GPC6: variants seen among roughly 807,000 people sequenced by gnomAD.
GPC6 encodes the protein glypican-6.
A neutral mutation model predicts 55.2 loss-of-function variants in GPC6; 14 were observed. The observed-to-expected ratio is 0.25, with a 90% CI of 0.17 to 0.40. GPC6 has a LOEUF of 0.40. Ranked by LOEUF, GPC6 falls within the 10% of genes least tolerant of loss-of-function variation. GPC6 has a pLI of 1.00. For missense variants in GPC6, 641 were observed against 708.5 expected (o/e 0.90, Z 1.08); for synonymous variants, 278 against 259.6 (o/e 1.07, Z -0.68).
chr13:94,264,076 G>C (rs1192157551), intron 4 of GPC6, among the ~76,000 whole-genome samples: 1 of 152,168 alleles, frequency 6.6e-6, no homozygotes, highest in Non-Finnish European at 1.5e-5. Flanking sequence ...AGACTGGGTA[G>C]AGACCTAAAG....
intron 1 of GPC6, among the ~76,000 whole-genome samples, chr13:93,452,465 T>A (rs1341227133): frequency 2.0e-5 from 3 of 152,224 alleles, no homozygotes; most frequent in Non-Finnish European, 4.4e-5. Context: ...AAATATGATA[T>A]CTTTTGCTTC....
chr13:94,043,878 A>C (rs965827545), intron 4 of GPC6, among the ~76,000 whole-genome samples: 1 of 151,754 alleles, frequency 6.6e-6, no homozygotes, highest in African/African-American at 2.4e-5. Context: ...TAGGTTAGTT[A>C]TGTTCTTAGT....
intron 2 of GPC6, among the ~76,000 whole-genome samples, chr13:93,764,987 G>A (rs1885068913): frequency 6.6e-6 from 1 of 151,936 alleles, no homozygotes; most frequent in South Asian, 2.1e-4. Context: ...TTTTAGTAGA[G>A]ACAGGGTTTC....
intron 5 of GPC6, among the ~76,000 whole-genome samples, chr13:94,301,613 G>A (rs138875083): frequency 0.016 from 2,446 of 152,216 alleles, 30 homozygotes; most frequent in East Asian, 0.035. Flanking sequence ...TCATCATAGT[G>A]TATCTGTGTG....
intron 6 of GPC6, among the ~76,000 whole-genome samples, chr13:94,374,057 G>A (rs1481841172): frequency 1.3e-5 from 2 of 152,196 alleles, no homozygotes; most frequent in East Asian, 3.9e-4. Context: ...AAGAGCTCCT[G>A]AAGGAAGCGC....
chr13:94,002,940 T>C (rs1293640195), intron 3 of GPC6, among the ~76,000 whole-genome samples: 1 of 152,238 alleles, frequency 6.6e-6, no homozygotes, highest in African/African-American at 2.4e-5. Context: ...AGTCATTTTC[T>C]ATGGACATTT....
chr13:93,811,542 A>G (rs139837339), intron 2 of GPC6, among the ~76,000 whole-genome samples: 2 of 152,064 alleles, frequency 1.3e-5, no homozygotes, highest in African/African-American at 4.8e-5. Context: ...TGTGAGGACA[A>G]GGCTTGGCTT....
chr13:94,350,077 G>T (rs1373184775), intron 6 of GPC6, among the ~76,000 whole-genome samples: 4 of 150,534 alleles, frequency 2.7e-5, no homozygotes, highest in Admixed American at 2.7e-4. Flanking sequence ...TATATCTTTT[G>T]TGTGTGTGTG....
chr13:93,336,535 G>T (rs890797469), intron 1 of GPC6, among the ~76,000 whole-genome samples: 2 of 152,152 alleles, frequency 1.3e-5, no homozygotes, highest in Admixed American at 1.3e-4. Flanking sequence ...CTCCTTCAAG[G>T]TTGGCTTTTG....
At chr13:93,452,465 T>C (rs1341227133) in intron 1 of GPC6, among the ~76,000 whole-genome samples, 1 of 152,224 alleles carries the variant, frequency 6.6e-6, no homozygotes, top group Admixed American at 6.5e-5. Flanking sequence ...AAATATGATA[T>C]CTTTTGCTTC....
chr13:93,466,717 A>G (rs1878916693), intron 1 of GPC6, among the ~76,000 whole-genome samples: 1 of 152,162 alleles, frequency 6.6e-6, no homozygotes, highest in Non-Finnish European at 1.5e-5. Flanking sequence ...ATAATTTGGC[A>G]TGTGTATGGA....
At chr13:93,514,333 C>T (rs536992643) in intron 1 of GPC6, among the ~76,000 whole-genome samples, 18 of 152,240 alleles carry the variant, frequency 1.2e-4, no homozygotes, top group African/African-American at 4.3e-4. Context: ...CAACTGTTAG[C>T]AGTTTTGCGG....
At chr13:93,246,739 C>G (rs1011764600) in intron 1 of GPC6, among the ~76,000 whole-genome samples, 4 of 133,960 alleles carry the variant, frequency 3.0e-5, no homozygotes, top group African/African-American at 5.7e-5. Context: ...TTGCAGTGAG[C>G]CGAGATTGTG....
intron 4 of GPC6, among the ~76,000 whole-genome samples, chr13:94,150,193 A>G (rs1382822706): frequency 6.6e-6 from 1 of 151,956 alleles, no homozygotes; most frequent in African/African-American, 2.4e-5. Context: ...AATCCAGCCA[A>G]TCACTTCCAG....
chr13:93,659,165 C>T (rs1328789391), intron 2 of GPC6, among the ~76,000 whole-genome samples: 3 of 151,564 alleles, frequency 2.0e-5, no homozygotes, highest in Non-Finnish European at 3.0e-5. Context: ...TCATGATAGC[C>T]CATTATTTAT....
At chr13:93,640,365 C>T (rs1879862343) in intron 2 of GPC6, among the ~76,000 whole-genome samples, 1 of 152,054 alleles carries the variant, frequency 6.6e-6, no homozygotes, top group Non-Finnish European at 1.5e-5. Flanking sequence ...ATTTATTTCC[C>T]ATCACAAATC....
chr13:93,780,594 T>TACAC (rs35134947), intron 2 of GPC6, among the ~76,000 whole-genome samples: 28,849 of 143,746 alleles, frequency 0.2, 2,977 homozygotes, highest in East Asian at 0.32. Context: ...ATCACAAAAA[T>TACAC]ACACACACAC....
At chr13:93,331,430 G>T (rs1347492313) in intron 1 of GPC6, among the ~76,000 whole-genome samples, 1 of 152,132 alleles carries the variant, frequency 6.6e-6, no homozygotes, top group African/African-American at 2.4e-5. Context: ...AAGAAGCGTG[G>T]TAGAGTATGA....
chr13:93,383,209 AAATCTCCATAT>A (rs1394003125), intron 1 of GPC6, among the ~76,000 whole-genome samples: 3 of 152,124 alleles, frequency 2.0e-5, no homozygotes, highest in Non-Finnish European at 4.4e-5. Context: ...TCTGAAAAAC[AAATCTCCATAT>A]ATTTATTTTG....
Sources: gnomAD v4.1 joint callset for allele counts (sites outside exome capture counted in the v4.1 genomes callset) on GRCh38, gnomAD v4.1.1 for gene constraint, MANE v1.5 for transcripts, NCBI Gene and HGNC (gene_info 2026-07-23, HGNC 2026-07-21) for gene names.